TFCP2: variants seen among roughly 807,000 people sequenced by gnomAD.
TFCP2 encodes alpha-globin transcription factor CP2.
Under a neutral mutation model 73.4 loss-of-function variants are expected in TFCP2, and 33 were observed. That is an observed-to-expected ratio of 0.45 (90% CI 0.34 to 0.60). TFCP2 has a LOEUF of 0.60. Ranked by LOEUF, TFCP2 falls within the 20% of genes least tolerant of loss-of-function variation. The probability of loss-of-function intolerance (pLI) is 0.01; values close to 1 mark genes in which losing one functional copy is unlikely to be tolerated. For synonymous variants in TFCP2, 193 were observed against 211.6 expected (o/e 0.91, Z 0.76); for missense variants, 352 against 604.0 (o/e 0.58, Z 4.37).
At chr12:51,165,502 T>A (rs188383453) in intron 1 of TFCP2, among the ~76,000 whole-genome samples, 2 of 151,792 alleles carry the variant, frequency 1.3e-5, no homozygotes, top group African/African-American at 4.8e-5. Flanking sequence ...AATAAGTCAG[T>A]CACAAAAGGA....
chr12:51,130,860 G>C (rs1386681240), intron 1 of TFCP2, among the ~76,000 whole-genome samples: 1 of 151,964 alleles, frequency 6.6e-6, no homozygotes, highest in Middle Eastern at 3.4e-3. Context: ...GGTGGCAGGT[G>C]CCTGTAATCC....
At chr12:51,134,651 T>C (rs1298609440) in intron 1 of TFCP2, among the ~76,000 whole-genome samples, 1 of 152,210 alleles carries the variant, frequency 6.6e-6, no homozygotes, top group Non-Finnish European at 1.5e-5. Context: ...AAAAATACTG[T>C]TCTAGTCTTT....
chr12:51,138,634 T>C (rs1000288185), intron 1 of TFCP2, among the ~76,000 whole-genome samples: 13 of 152,086 alleles, frequency 8.5e-5, no homozygotes, highest in Admixed American at 3.9e-4. Context: ...CTTTTTTCTT[T>C]TGAGACCAAG....
chr12:51,136,825 A>G (rs1941073822), intron 1 of TFCP2, among the ~76,000 whole-genome samples: 1 of 152,190 alleles, frequency 6.6e-6, no homozygotes, highest in Non-Finnish European at 1.5e-5. Flanking sequence ...TGTAGCCCGT[A>G]GTCCCAGCTA....
intron 1 of TFCP2, among the ~76,000 whole-genome samples, chr12:51,132,357 C>CTTTATTTTTTTTTTTTT (rs1940962845): frequency 1.6e-5 from 1 of 61,766 alleles, no homozygotes; most frequent in Non-Finnish European, 2.9e-5. Flanking sequence ...AGGGATTAGT[C>CTTTATTTTTTTTTTTTT]TTTTTTTTTT....
chr12:51,120,511 T>C (rs1028871714), intron 1 of TFCP2, among the ~76,000 whole-genome samples: 2 of 152,154 alleles, frequency 1.3e-5, no homozygotes, highest in African/African-American at 4.8e-5. Context: ...AAAAATGTAT[T>C]ATACTATGAT....
At chr12:51,160,335 C>T (rs1941623122) in intron 1 of TFCP2, among the ~76,000 whole-genome samples, 2 of 152,058 alleles carry the variant, frequency 1.3e-5, no homozygotes, top group Non-Finnish European at 2.9e-5. Context: ...TGAGGTTTCA[C>T]CCTGTTGGCC....
At position 51,118,601 on chromosome 12, in the gene TFCP2, T is replaced by A; in HGVS notation, c.274+20A>T. The A allele has an allele frequency of 6.2e-7, 1 of 1,611,892 alleles. No homozygotes were observed. Among genetic ancestry groups the A allele is most frequent in the Non-Finnish European group, 8.5e-7 (1 of 1,178,812 alleles). Reference sequence around the variant, plus strand: ...TACAGTAGGTCTGCAATAGTACTAATGAATGAGGAAGCATCTAACCTTGAT... The same window carrying A: ...TACAGTAGGTCTGCAATAGTACTAAAGAATGAGGAAGCATCTAACCTTGAT... On this transcript the variant is annotated intron_variant, in intron 2 of 14. Coordinates refer to ENST00000257915, the MANE Select transcript of TFCP2 (RefSeq NM_005653.5).
At chr12:51,109,433 A>G (rs1566203534) in intron 5 of TFCP2, among the ~76,000 whole-genome samples, 160 bp from the exon 6 acceptor site, 3 of 152,238 alleles carry the variant, frequency 2.0e-5, no homozygotes, top group Non-Finnish European at 4.4e-5. Context: ...TTACAATCTG[A>G]TAGAGGAAAT....
intron 1 of TFCP2, among the ~76,000 whole-genome samples, chr12:51,144,975 C>T (rs10876142): frequency 0.065 from 9,791 of 151,780 alleles, 549 homozygotes; most frequent in East Asian, 0.18. Context: ...CCGAGGTGGG[C>T]GGATCACTTG....
chr12:51,139,793 G>A (rs1027942580), intron 1 of TFCP2, among the ~76,000 whole-genome samples: 1 of 152,020 alleles, frequency 6.6e-6, no homozygotes, highest in Admixed American at 6.6e-5. Context: ...TTCATTTTTT[G>A]CACATAAATT....
rs1941887970 is a variant in TFCP2, at chr12:51,172,748, G to GTGGT, written c.-330_-327dup. The GTGGT allele has an allele frequency of 4.7e-6, 1 of 213,116 alleles. No individual in the cohort carries two copies. Among genetic ancestry groups the GTGGT allele is most frequent in the African/African-American group, 2.3e-5 (1 of 43,618 alleles). The allele number at this position is 213,116 out of a possible 1,614,324, so 13.2% of individuals were successfully genotyped here. On this transcript the variant is annotated 5_prime_UTR_variant, in exon 1 of 15. Transcript: ENST00000257915. ...CTCCCACTCCTCTTGAGAGTTCGTA[G>GTGGT]TGGTGGCTTGCTGCTTCCCAGTCAG...
At chr12:51,146,388 C>T (rs1016713864) in intron 1 of TFCP2, among the ~76,000 whole-genome samples, 16 of 145,612 alleles carry the variant, frequency 1.1e-4, no homozygotes, top group African/African-American at 4.1e-4. Flanking sequence ...CCACCCCATA[C>T]CCCCAAAAAA....
At chr12:51,106,926 G>A (rs891680465) in intron 7 of TFCP2, 3 of 511,718 alleles carry the variant, frequency 5.9e-6, no homozygotes, top group Non-Finnish European at 1.1e-5. Flanking sequence ...TTATGCCCAA[G>A]ATGAAACTGA....
At chr12:51,117,843 TA>T in intron 2 of TFCP2, 96 bp from the exon 3 acceptor site, 1 of 719,226 alleles carries the variant, frequency 1.4e-6, no homozygotes, top group Non-Finnish European at 2.3e-6. Context: ...TACAACAGTA[TA>T]ATAATATTAT....
At chr12:51,097,153 G>T (rs1169017949) in intron 13 of TFCP2, among the ~76,000 whole-genome samples, 1 of 152,016 alleles carries the variant, frequency 6.6e-6, no homozygotes, top group African/African-American at 2.4e-5. Flanking sequence ...TAGAGACAGG[G>T]TTTCTCTATG....
intron 1 of TFCP2, among the ~76,000 whole-genome samples, chr12:51,135,975 T>C (rs1480156224): frequency 1.3e-5 from 2 of 152,070 alleles, no homozygotes; most frequent in African/African-American, 4.8e-5. Flanking sequence ...TTCTAGGCCC[T>C]GTTTTAGGTA....
chr12:51,104,333 C>A, intron 8 of TFCP2, 130 bp from the exon 9 acceptor site: 2 of 721,290 alleles, frequency 2.8e-6, no homozygotes, highest in Non-Finnish European at 4.5e-6. Flanking sequence ...ATAACACATT[C>A]TTATTCTTTG....
intron 4 of TFCP2, among the ~76,000 whole-genome samples, chr12:51,115,150 C>G (rs1342356805): frequency 8.0e-6 from 1 of 124,566 alleles, no homozygotes; most frequent in Non-Finnish European, 1.6e-5. Flanking sequence ...GAGAGAGTCT[C>G]GCTCTGTCAC....
Sources: gnomAD v4.1 joint callset for allele counts (sites outside exome capture counted in the v4.1 genomes callset) on GRCh38, gnomAD v4.1.1 for gene constraint, MANE v1.5 for transcripts, NCBI Gene and HGNC (gene_info 2026-07-23, HGNC 2026-07-21) for gene names.